The following COL24A1 variants were observed in gnomAD, a reference collection of about 807,000 sequenced individuals.
The protein encoded by COL24A1 is collagen type XXIV alpha 1 chain.
A neutral mutation model predicts 253.9 loss-of-function variants in COL24A1; 224 were observed. The ratio of observed to expected loss-of-function variants is 0.88; its 90% confidence interval spans 0.79 to 0.99. The LOEUF is 0.99. Among genes scored for constraint, COL24A1 ranks in the 50% least tolerant of loss-of-function variants. COL24A1 has a pLI of 0.00. For missense variants in COL24A1, 2,131 were observed against 2,068.5 expected, an observed-to-expected ratio of 1.03 and a Z score of -0.59; for synonymous variants, 685 against 673.7, an observed-to-expected ratio of 1.02 and a Z score of -0.26.
chr1:85,857,470 A>G (rs1385124550), intron 37 of COL24A1, among the ~76,000 whole-genome samples: 1 of 151,476 alleles, frequency 6.6e-6, no homozygotes, highest in Admixed American at 6.6e-5. Flanking sequence ...AAAAAAAAAA[A>G]AAAGAAAAAA....
intron 47 of COL24A1, among the ~76,000 whole-genome samples, chr1:85,795,639 A>T (rs878939708): frequency 1.3e-5 from 2 of 152,054 alleles, no homozygotes; most frequent in Admixed American, 1.3e-4. Context: ...ACATTTTTCT[A>T]AAAAAAGTTT....
At chr1:85,756,763 C>A (rs1666306663) in intron 55 of COL24A1, among the ~76,000 whole-genome samples, 2 of 152,144 alleles carry the variant, frequency 1.3e-5, no homozygotes, top group South Asian at 4.1e-4. Flanking sequence ...ATTTGTACAG[C>A]AATGTTTATA....
At chr1:85,882,826 G>GAAAT in intron 32 of COL24A1, among the ~76,000 whole-genome samples, 1 of 152,318 alleles carries the variant, frequency 6.6e-6, no homozygotes, top group Non-Finnish European at 1.5e-5. Flanking sequence ...CTAGCTTGGA[G>GAAAT]AAATGACCCT....
chr1:85,851,024 C>CAT (rs149854934), intron 37 of COL24A1, among the ~76,000 whole-genome samples: 54,738 of 145,834 alleles, frequency 0.38, 11,102 homozygotes, highest in East Asian at 0.57. Flanking sequence ...TATATATCTA[C>CAT]ATATATATAT....
chr1:86,125,834 T>A lies in COL24A1; in HGVS notation c.502A>T (p.Ile168Phe). The change falls in exon 3 of 60, where the codon ATT (isoleucine) becomes TTT (phenylalanine). Residue 168 changes from isoleucine to phenylalanine, a missense_variant. Ile to Phe is a conservative substitution (Grantham distance 21, BLOSUM62 0). Transcript: ENST00000370571. The stretch of plus-strand genomic sequence containing the variant: ...GAGACACTTTGGTTTCTAATAGTAA[T>A]GGCAAATGAGTGCCATTGCTCATCA... ...VHDEQWHSFA[I>F]TIRNQSVSMF... 1.2e-6 allele frequency: 2 copies of A among 1,613,376 alleles called. No homozygotes were observed. The highest frequency in any genetic ancestry group is 1.7e-6 in the Non-Finnish European group (2 of 1,179,724).
chr1:85,872,768 A>G (rs1680678993), intron 35 of COL24A1, among the ~76,000 whole-genome samples: 1 of 152,246 alleles, frequency 6.6e-6, no homozygotes, highest in Non-Finnish European at 1.5e-5. Context: ...CATTCAGGAC[A>G]TAGGCATGGG....
chr1:85,980,307 A>G (rs187925850), intron 20 of COL24A1, among the ~76,000 whole-genome samples: 1 of 152,334 alleles, frequency 6.6e-6, no homozygotes, highest in East Asian at 1.9e-4. Context: ...CACCACTGCT[A>G]TTCAACATTG....
intron 14 of COL24A1, among the ~76,000 whole-genome samples, chr1:86,031,213 T>C (rs1698540070): frequency 6.6e-6 from 1 of 152,026 alleles, no homozygotes; most frequent in East Asian, 1.9e-4. Context: ...AACTAACACA[T>C]GTTCTCACAA....
chr1:86,079,917 G>A (rs1702514381), intron 7 of COL24A1, among the ~76,000 whole-genome samples: 1 of 152,102 alleles, frequency 6.6e-6, no homozygotes, highest in Non-Finnish European at 1.5e-5. Flanking sequence ...TCCCACTACT[G>A]GGTATATACC....
intron 24 of COL24A1, among the ~76,000 whole-genome samples, chr1:85,915,814 A>G (rs1278704375): frequency 6.6e-6 from 1 of 152,004 alleles, no homozygotes; most frequent in African/African-American, 2.4e-5. Flanking sequence ...GTGCCCGGCT[A>G]ATTTTTTGTT....
chr1:86,141,702 CTT>C (rs1230061696), intron 2 of COL24A1, among the ~76,000 whole-genome samples: 29 of 142,126 alleles, frequency 2.0e-4, no homozygotes, highest in Admixed American at 2.1e-4. Context: ...TAGTGTCTTA[CTT>C]TTTTTTTTTT....
chr1:85,981,646 G>A (rs111655969), intron 20 of COL24A1, among the ~76,000 whole-genome samples: 1,920 of 152,080 alleles, frequency 0.013, 22 homozygotes, highest in Non-Finnish European at 0.019. Flanking sequence ...ATAAATAGAT[G>A]GGACTTAATT....
chr1:85,988,058 A>G, intron 19 of COL24A1, among the ~76,000 whole-genome samples: 1 of 151,518 alleles, frequency 6.6e-6, no homozygotes, highest in Non-Finnish European at 1.5e-5. Flanking sequence ...ATGTTAACTT[A>G]TAGATTTTTG....
intron 31 of COL24A1, among the ~76,000 whole-genome samples, chr1:85,889,843 C>T (rs189825952): frequency 3.9e-4 from 59 of 151,904 alleles, no homozygotes; most frequent in African/African-American, 1.2e-3. Flanking sequence ...GTTGTGTAAC[C>T]GTTACCAGAA....
intron 20 of COL24A1, among the ~76,000 whole-genome samples, chr1:85,984,512 A>C (rs772071577): frequency 9.2e-5 from 14 of 151,860 alleles, no homozygotes; most frequent in Non-Finnish European, 1.6e-4. Context: ...AACACAGAAG[A>C]AGCTCAACAA....
intron 55 of COL24A1, among the ~76,000 whole-genome samples, chr1:85,758,994 T>TC (rs1570481590): frequency 3.2e-4 from 1 of 3,092 alleles, no homozygotes; most frequent in East Asian, 0.045. Flanking sequence ...CCCTCCCCAA[T>TC]ATTTTTCTAT....
intron 47 of COL24A1, among the ~76,000 whole-genome samples, chr1:85,807,804 G>A (rs1204776505): frequency 6.6e-6 from 1 of 152,156 alleles, no homozygotes; most frequent in East Asian, 1.9e-4. Flanking sequence ...GAGACCTATG[G>A]TCATTTACTA....
chr1:85,832,049 T>C (rs927507106), intron 43 of COL24A1, among the ~76,000 whole-genome samples: 5 of 152,084 alleles, frequency 3.3e-5, no homozygotes, highest in African/African-American at 4.8e-5. Flanking sequence ...CTAGGGTTTT[T>C]ATGGTTTTAG....
At chr1:85,817,462 C>T (rs1219461382) in intron 46 of COL24A1, among the ~76,000 whole-genome samples, 2 of 151,586 alleles carry the variant, frequency 1.3e-5, no homozygotes, top group Non-Finnish European at 2.9e-5. Flanking sequence ...TTTTTTCAAG[C>T]CAATACAAGT....
Sources: allele counts gnomAD v4.1 joint callset (sites outside exome capture counted in the v4.1 genomes callset), GRCh38; gene constraint gnomAD v4.1.1; transcripts MANE v1.5; gene names NCBI Gene and HGNC (gene_info 2026-07-23, HGNC 2026-07-21).